GABBR2: variants seen among roughly 807,000 people sequenced by gnomAD.
GABBR2 encodes gamma-aminobutyric acid type B receptor subunit 2, also known as G-protein coupled receptor 51.
A neutral mutation model predicts 105.6 loss-of-function variants in GABBR2; 23 were observed. That is an observed-to-expected ratio of 0.22 (90% CI 0.16 to 0.31). The LOEUF is 0.31. GABBR2 is among the 10% of genes least tolerant of loss of function. The pLI, the probability that GABBR2 is intolerant of heterozygous loss-of-function variation, is 1.00. For missense variants in GABBR2, 734 were observed against 1,245.5 expected (o/e 0.59, Z 6.18); for synonymous variants, 478 against 499.7 (o/e 0.96, Z 0.58).
chr9:98,531,578 G>A (rs771000390), intron 3 of GABBR2, among the ~76,000 whole-genome samples: 5 of 152,254 alleles, frequency 3.3e-5, no homozygotes, highest in Non-Finnish European at 7.3e-5. Context: ...AGAAACTGGA[G>A]CCCCTGACAG....
At chr9:98,509,291 A>G (rs1827584569) in intron 3 of GABBR2, among the ~76,000 whole-genome samples, 1 of 152,212 alleles carries the variant, frequency 6.6e-6, no homozygotes, top group Non-Finnish European at 1.5e-5. Context: ...ATCAAAGACC[A>G]AAGGTAGATA....
intron 1 of GABBR2, among the ~76,000 whole-genome samples, chr9:98,659,496 T>A (rs71491763): frequency 0.82 from 115,103 of 140,682 alleles, 46,665 homozygotes; most frequent in Middle Eastern, 0.9. Flanking sequence ...CTTTTTTTTT[T>A]AAACAACCTT....
At chr9:98,461,763 C>T (rs1050739181) in intron 6 of GABBR2, among the ~76,000 whole-genome samples, 7 of 152,136 alleles carry the variant, frequency 4.6e-5, no homozygotes, top group East Asian at 3.8e-4. Flanking sequence ...AATCAAGAAT[C>T]GTGGTGCTGG....
intron 2 of GABBR2, among the ~76,000 whole-genome samples, chr9:98,554,647 C>T (rs1446604613): frequency 6.6e-6 from 1 of 152,046 alleles, no homozygotes; most frequent in Admixed American, 6.6e-5. Context: ...TAAGAGACAG[C>T]ATTTATTTAT....
chr9:98,594,680 G>C lies in GABBR2; in HGVS notation c.322-16608C>G, dbSNP rs530614141. ...TCTGAAGAGCAGCAGCCTTTGGAAGGCCAGAGGGAGGTGCAGACCTGCACA... is the reference window on the plus strand; with the variant it reads ...TCTGAAGAGCAGCAGCCTTTGGAAGCCCAGAGGGAGGTGCAGACCTGCACA... On this transcript the variant is annotated intron_variant, in intron 1 of 18. Coordinates refer to ENST00000259455, the MANE Select transcript of GABBR2 (RefSeq NM_005458.8). Among the ~76,000 whole-genome samples the C allele has an allele frequency of 1.4e-4, 21 of 152,320 alleles. 1 individual carries two copies. In the East Asian group the frequency reaches 3.7e-3, roughly 27 times the overall value.
chr9:98,589,940 C>T (rs1043757133), intron 1 of GABBR2, among the ~76,000 whole-genome samples: 3 of 152,060 alleles, frequency 2.0e-5, no homozygotes, highest in African/African-American at 7.3e-5. Flanking sequence ...GTCTTGAACT[C>T]CTGGACTTGA....
intron 13 of GABBR2, among the ~76,000 whole-genome samples, chr9:98,332,218 G>A (rs1831039803): frequency 6.6e-6 from 1 of 152,180 alleles, no homozygotes; most frequent in South Asian, 2.1e-4. Flanking sequence ...GATTAAATGA[G>A]TGGATGGCCA....
chr9:98,545,468 C>T (rs74624798), intron 2 of GABBR2, among the ~76,000 whole-genome samples: 3,913 of 152,238 alleles, frequency 0.026, 177 homozygotes, highest in African/African-American at 0.088. Flanking sequence ...AACTAACAGA[C>T]ATCTGAGAAA....
chr9:98,325,128 C>T (rs1487973751), intron 13 of GABBR2, among the ~76,000 whole-genome samples: 5 of 152,074 alleles, frequency 3.3e-5, no homozygotes, highest in Non-Finnish European at 1.5e-5. Flanking sequence ...ACACTCACTA[C>T]CTCCTAAGGA....
intron 13 of GABBR2, among the ~76,000 whole-genome samples, chr9:98,331,396 CTT>C (rs142735341): frequency 3.3e-4 from 25 of 75,962 alleles, no homozygotes; most frequent in African/African-American, 9.9e-4. Context: ...AGTCCCTCTT[CTT>C]TTTTTTTTTT....
intron 7 of GABBR2, among the ~76,000 whole-genome samples, chr9:98,424,961 T>C (rs1452537390): frequency 6.6e-6 from 1 of 151,782 alleles, no homozygotes; most frequent in African/African-American, 2.4e-5. Context: ...ATGACTGTCT[T>C]CACAGAATTG....
intron 1 of GABBR2, among the ~76,000 whole-genome samples, chr9:98,652,680 G>A (rs1358585285): frequency 1.3e-5 from 2 of 152,212 alleles, no homozygotes; most frequent in Non-Finnish European, 2.9e-5. Flanking sequence ...TTTCCCCCCA[G>A]TGGAGCGTCA....
At chr9:98,662,235 C>A (rs1830273974) in intron 1 of GABBR2, among the ~76,000 whole-genome samples, 2 of 152,174 alleles carry the variant, frequency 1.3e-5, no homozygotes, top group African/African-American at 4.8e-5. Context: ...CGGTGGGACA[C>A]TCATAGCCTG....
intron 1 of GABBR2, among the ~76,000 whole-genome samples, chr9:98,638,914 G>C (rs1219126465): frequency 1.3e-5 from 2 of 152,224 alleles, no homozygotes; most frequent in African/African-American, 4.8e-5. Flanking sequence ...TAGACATGTA[G>C]TTAGGAGGTA....
At chr9:98,503,509 G>T (rs192181116) in intron 3 of GABBR2, among the ~76,000 whole-genome samples, 1 of 152,260 alleles carries the variant, frequency 6.6e-6, no homozygotes, top group East Asian at 1.9e-4. Context: ...GAAGAGGAAG[G>T]GCAGGGAGGG....
chr9:98,537,353 G>A (rs1828201469), intron 3 of GABBR2, among the ~76,000 whole-genome samples: 1 of 152,160 alleles, frequency 6.6e-6, no homozygotes, highest in Non-Finnish European at 1.5e-5. Context: ...AACTATTCCT[G>A]GGGCTGGGGG....
chr9:98,643,285 G>A (rs1829991958), intron 1 of GABBR2, among the ~76,000 whole-genome samples: 1 of 152,230 alleles, frequency 6.6e-6, no homozygotes. Flanking sequence ...GCCCAAGAGC[G>A]ATGGATGGGG....
In GABBR2 at chr9:98,658,855, C is replaced by T. The variant is rs72760670; in HGVS notation, c.321+49562G>A. On this transcript the variant is annotated intron_variant, in intron 1 of 18. Coordinates refer to ENST00000259455, the MANE Select transcript of GABBR2 (RefSeq NM_005458.8). ...TCACCCAGAAGACCCTTATCTGGAA[C>T]GAATGAGAAACAGAAAGGAAATAGA... Among the ~76,000 whole-genome samples the T allele has an allele frequency of 1.8e-4, 28 of 152,220 alleles. No homozygotes were observed. In the East Asian group the frequency reaches 3.7e-3, roughly 20 times the overall value.
intron 1 of GABBR2, among the ~76,000 whole-genome samples, chr9:98,633,761 C>T (rs1281392936): frequency 1.3e-5 from 2 of 152,128 alleles, no homozygotes; most frequent in African/African-American, 2.4e-5. Flanking sequence ...GTGGAAGAGC[C>T]TTAGTCTGCA....
Sources: allele counts gnomAD v4.1 joint callset (sites outside exome capture counted in the v4.1 genomes callset), GRCh38; gene constraint gnomAD v4.1.1; transcripts MANE v1.5; gene names NCBI Gene and HGNC (gene_info 2026-07-23, HGNC 2026-07-21).